The following RNF212 variants were observed in gnomAD, a reference collection of about 807,000 sequenced individuals.
RNF212 encodes the protein probable E3 SUMO-protein ligase RNF212.
In RNF212, 33 loss-of-function variants were observed where a neutral mutation model predicts 34.7. That is an observed-to-expected ratio of 0.95 (90% CI 0.72 to 1.27). The LOEUF is 1.27. Among genes scored for constraint, RNF212 ranks in the 50% most tolerant of loss-of-function variants. RNF212 has a pLI of 0.00. For synonymous variants in RNF212, 140 were observed against 136.1 expected (o/e 1.03, Z -0.20); for missense variants, 377 against 362.2 (o/e 1.04, Z -0.33).
downstream of RNF212, among the ~76,000 whole-genome samples, chr4:1,067,990 CAT>C (rs1158622676): frequency 6.6e-6 from 1 of 151,930 alleles, no homozygotes; most frequent in Non-Finnish European, 1.5e-5. Context: ...AATGGAGAGA[CAT>C]AGCACATCTA....
At chr4:1,084,433 A>T (rs1279237787) in intron 5 of RNF212, among the ~76,000 whole-genome samples, 2 of 152,186 alleles carry the variant, frequency 1.3e-5, no homozygotes, top group African/African-American at 4.8e-5. Flanking sequence ...TGGCAGCTAC[A>T]TGAAAATACA....
chr4:1,073,487 G>T, intron 9 of RNF212, 112 bp downstream of exon 9: 1 of 874,136 alleles, frequency 1.1e-6, no homozygotes, highest in Non-Finnish European at 1.9e-6. Context: ...CCGGGTGGAA[G>T]GACAGCACCC....
intron 5 of RNF212, among the ~76,000 whole-genome samples, chr4:1,085,498 G>A (rs762504040): frequency 3.9e-5 from 6 of 152,120 alleles, no homozygotes; most frequent in Non-Finnish European, 7.3e-5. Flanking sequence ...TGTACCTTTC[G>A]CAAACGGCTA....
chr4:1,103,135 T>C (rs960058323), intron 2 of RNF212, among the ~76,000 whole-genome samples: 2 of 152,122 alleles, frequency 1.3e-5, no homozygotes, highest in Non-Finnish European at 2.9e-5. Context: ...GACAAGAAAT[T>C]TGAAAATTCC....
At chr4:1,076,658 T>C (rs1719358874) in intron 8 of RNF212, among the ~76,000 whole-genome samples, 1 of 152,180 alleles carries the variant, frequency 6.6e-6, no homozygotes, top group African/African-American at 2.4e-5. Flanking sequence ...ACGGGAGCTC[T>C]TTCCAAAGGA....
chr4:1,108,105 T>C (rs1452331373), intron 2 of RNF212, among the ~76,000 whole-genome samples: 1 of 152,204 alleles, frequency 6.6e-6, no homozygotes, highest in Non-Finnish European at 1.5e-5. Context: ...CACTTTCATT[T>C]CCAGGAACAC....
chr4:1,089,192 T>C (rs1721801674), intron 4 of RNF212, among the ~76,000 whole-genome samples: 1 of 152,170 alleles, frequency 6.6e-6, no homozygotes, highest in African/African-American at 2.4e-5. Flanking sequence ...ACTGGGGCTG[T>C]ACCCTACAGA....
intron 2 of RNF212, among the ~76,000 whole-genome samples, chr4:1,097,333 G>A (rs541225353): frequency 1.2e-4 from 18 of 152,270 alleles, no homozygotes; most frequent in Admixed American, 9.8e-4. Flanking sequence ...GGTCGGGAGC[G>A]GTGGCTCAAG....
chr4:1,095,163 C>T (rs1196974785), intron 3 of RNF212, among the ~76,000 whole-genome samples: 1 of 128,734 alleles, frequency 7.8e-6, no homozygotes, highest in Non-Finnish European at 1.6e-5. Flanking sequence ...ACGCCCCCCA[C>T]AGCTCCATGG....
At position 1,081,406 on chromosome 4, in the gene RNF212, G is replaced by A. The variant is rs766736601; in HGVS notation, c.464+13C>T. ...CCTGCAGGTCCTGTGATTTCTGCAA[G>A]CAACCCACACACCTGTCGGGGGCTG... On this transcript the variant is annotated intron_variant, in intron 7 of 9. Coordinates refer to ENST00000433731, the MANE Select transcript of RNF212 (RefSeq NM_001131034.4). 1 of 1,612,634 alleles carries A rather than the reference G, an allele frequency of 6.2e-7. No individual in the cohort carries two copies. The highest frequency in any genetic ancestry group is 1.1e-5 in the South Asian group (1 of 91,044).
upstream of RNF212, chr4:1,113,595 C>G (rs1726180894): frequency 4.8e-6 from 3 of 620,122 alleles, no homozygotes; most frequent in Admixed American, 8.4e-5. Context: ...AGCCCTGCGC[C>G]CGCGCACTGG....
rs763204322 is a variant in RNF212 at position 1,081,601 on chromosome 4, T to C, written c.381A>G (p.Gln127=). 3.0e-5 allele frequency: 49 copies of C among 1,610,508 alleles called. No homozygotes were observed. Among genetic ancestry groups the C allele is most frequent in the Non-Finnish European group, 4.0e-5 (47 of 1,176,872 alleles). ...EQLQSMRSSQ[Q]TAFSTIKSSV... Reference sequence around the variant, plus strand: ...AACTTTTTATTGTGCTGAAAGCTGTTTGTTGTGATGATCTCATACTAAATA... The same window carrying C: ...AACTTTTTATTGTGCTGAAAGCTGTCTGTTGTGATGATCTCATACTAAATA... Residue 127 remains glutamine, a synonymous_variant, in exon 6 of 10, where the codon CAA becomes CAG. Transcript: ENST00000433731.
rs60952893 is a variant in RNF212 at position 1,098,731 on chromosome 4, CAG to C, written c.172-1894_172-1893del. Among the ~76,000 whole-genome samples the C allele has an allele frequency of 8.8e-3, 1,344 of 152,272 alleles. 17 individuals carry two copies. Among genetic ancestry groups the C allele is most frequent in the African/African-American group, 0.03 (1,249 of 41,518 alleles). ...TGCCTCGGTCTCCCTACGTATAAAA[CAG>C]AAGCAGAAACAGCACCCCCTCAGCC... On this transcript the variant is annotated intron_variant, in intron 2 of 9. Coordinates refer to ENST00000433731, the MANE Select transcript of RNF212 (RefSeq NM_001131034.4).
chr4:1,078,845 CAGGACCAACAT>C (rs1434902438), intron 8 of RNF212, among the ~76,000 whole-genome samples: 8 of 150,438 alleles, frequency 5.3e-5, no homozygotes, highest in Middle Eastern at 3.5e-3. Context: ...GGGACCAACA[CAGGACCAACAT>C]AGGACCAACA....
chr4:1,073,545 A>C (rs756042775), intron 9 of RNF212, 54 bp downstream of exon 9: 30 of 1,250,782 alleles, frequency 2.4e-5, no homozygotes, highest in Non-Finnish European at 3.4e-5. Flanking sequence ...CTTTCAGGGA[A>C]TGCATTTTAA....
chr4:1,085,791 T>A lies in RNF212; in HGVS notation c.362+105A>T. The A allele has an allele frequency of 3.7e-6, 3 of 814,420 alleles. No individual in the cohort carries two copies. In the East Asian group the frequency reaches 7.3e-5, roughly 20 times the overall value. The allele number at this position is 814,420 out of a possible 1,614,324, so 50.4% of individuals were successfully genotyped here. A position where few individuals can be genotyped will look rare whatever the true frequency, so the allele number is the denominator to read the frequency against. Reference sequence around the variant, plus strand: ...TGGTAAATGAACGAGCTCTTCCCTCTGCATCTGCAGTCATCTTTCATTCTT... The same window carrying A: ...TGGTAAATGAACGAGCTCTTCCCTCAGCATCTGCAGTCATCTTTCATTCTT... On this transcript the variant is annotated intron_variant, in intron 5 of 9. Transcript: ENST00000433731.
downstream of RNF212, among the ~76,000 whole-genome samples, chr4:1,067,674 C>T (rs527928599): frequency 2.6e-5 from 4 of 152,156 alleles, no homozygotes; most frequent in African/African-American, 9.6e-5. Flanking sequence ...AGGCCAGCCT[C>T]GTCAACATGG....
intron 3 of RNF212, among the ~76,000 whole-genome samples, chr4:1,092,481 G>A (rs982976745): frequency 6.6e-6 from 1 of 151,398 alleles, no homozygotes; most frequent in African/African-American, 2.5e-5. Context: ...ACACAGGCCT[G>A]CAGCCTCATG....
intron 3 of RNF212, among the ~76,000 whole-genome samples, chr4:1,094,167 C>T (rs947403889): frequency 1.3e-5 from 2 of 152,144 alleles, no homozygotes; most frequent in African/African-American, 2.4e-5. Flanking sequence ...ATCCTGGCTG[C>T]CCCCACTAGG....
Sources: gnomAD v4.1 joint callset for allele counts (sites outside exome capture counted in the v4.1 genomes callset) on GRCh38, gnomAD v4.1.1 for gene constraint, MANE v1.5 for transcripts, NCBI Gene and HGNC (gene_info 2026-07-23, HGNC 2026-07-21) for gene names.